The following NRG1 variants were observed in gnomAD, a reference collection of about 807,000 sequenced individuals.
NRG1 encodes the protein neuregulin 1, also known as pro-neuregulin-1, membrane-bound isoform.
In NRG1, 18 loss-of-function variants were observed where a neutral mutation model predicts 63.8. That is an observed-to-expected ratio of 0.28 (90% CI 0.19 to 0.42). NRG1 has a LOEUF of 0.42. NRG1 is among the 10% of genes least tolerant of loss of function. The pLI is 1.00. For synonymous variants in NRG1, 302 were observed against 301.3 expected, an observed-to-expected ratio of 1.00 and a Z score of -0.02; for missense variants, 762 against 814.7, an observed-to-expected ratio of 0.94 and a Z score of 0.79.
intron 1 of NRG1, among the ~76,000 whole-genome samples, chr8:31,675,127 G>A (rs1048243962): frequency 7.2e-5 from 11 of 152,216 alleles, no homozygotes; most frequent in African/African-American, 2.7e-4. Context: ...TGGATCACTT[G>A]AGGTCAGGAG....
At chr8:32,233,615 A>G (rs1187529717) in intron 1 of NRG1, among the ~76,000 whole-genome samples, 1 of 139,898 alleles carries the variant, frequency 7.1e-6, no homozygotes, top group Non-Finnish European at 1.5e-5. Context: ...ACCAGGCTGG[A>G]GTGCAGTGGT....
chr8:32,261,891 T>C (rs1850418536), intron 1 of NRG1, among the ~76,000 whole-genome samples: 2 of 152,196 alleles, frequency 1.3e-5, no homozygotes. Context: ...ATTAAGACTA[T>C]CTTGCATTGG....
chr8:32,569,329 A>G lies in NRG1; in HGVS notation c.100+20503A>G, dbSNP rs529707451. Among the ~76,000 whole-genome samples, 6 of 152,188 alleles carry G rather than the reference A, an allele frequency of 3.9e-5. No homozygotes were observed. The South Asian group carries it at 1.0e-3, about 26-fold the overall frequency. On this transcript the variant is annotated intron_variant, in intron 1 of 11. Coordinates refer to ENST00000356819, the Ensembl canonical transcript of NRG1. ...CTCCCAAAGTGCTGGGATTACAGGCATGAGCCACCGTGCCTGGCCAGGCCA... is the reference window on the plus strand; with the variant it reads ...CTCCCAAAGTGCTGGGATTACAGGCGTGAGCCACCGTGCCTGGCCAGGCCA...
chr8:32,426,300 T>C (rs1244970146), intron 1 of NRG1, among the ~76,000 whole-genome samples: 1 of 152,180 alleles, frequency 6.6e-6, no homozygotes, highest in Non-Finnish European at 1.5e-5. Flanking sequence ...CATCAATGTA[T>C]GAATAAAGTG....
At chr8:32,197,999 A>G (rs915798383) in intron 1 of NRG1, among the ~76,000 whole-genome samples, 1 of 151,986 alleles carries the variant, frequency 6.6e-6, no homozygotes, top group Non-Finnish European at 1.5e-5. Flanking sequence ...CACACACACC[A>G]TCCAGGATCC....
At chr8:31,783,408 A>G (rs1015985204) in intron 1 of NRG1, among the ~76,000 whole-genome samples, 3 of 152,118 alleles carry the variant, frequency 2.0e-5, no homozygotes, top group African/African-American at 7.2e-5. Context: ...AATGCTTGGA[A>G]CACACCTATC....
At chr8:31,682,589 C>G (rs1444662302) in intron 1 of NRG1, among the ~76,000 whole-genome samples, 1 of 152,042 alleles carries the variant, frequency 6.6e-6, no homozygotes, top group Non-Finnish European at 1.5e-5. Flanking sequence ...GCACATGAAG[C>G]TTCTCCATAC....
At chr8:32,314,685 G>T (rs10503908) in intron 1 of NRG1, among the ~76,000 whole-genome samples, 1 of 152,046 alleles carries the variant, frequency 6.6e-6, no homozygotes, top group South Asian at 2.1e-4. Context: ...TCTGAAAGAC[G>T]AGGAAGGGAG....
chr8:32,018,519 T>C (rs1260720355), intron 1 of NRG1, among the ~76,000 whole-genome samples: 1 of 152,248 alleles, frequency 6.6e-6, no homozygotes, highest in Non-Finnish European at 1.5e-5. Context: ...AAATAGATTG[T>C]TGCAGAAAAT....
At chr8:31,673,568 T>C (rs1206075622) in intron 1 of NRG1, among the ~76,000 whole-genome samples, 1 of 152,290 alleles carries the variant, frequency 6.6e-6, no homozygotes, top group Non-Finnish European at 1.5e-5. Context: ...TAGGTCTGGG[T>C]AGAGGCAGGG....
chr8:32,368,722 A>G (rs1310927531), intron 1 of NRG1, among the ~76,000 whole-genome samples: 1 of 152,214 alleles, frequency 6.6e-6, no homozygotes, highest in Non-Finnish European at 1.5e-5. Flanking sequence ...TTCTTTGCTC[A>G]ACAGACACTA....
At chr8:32,337,346 C>G (rs1259661213) in intron 1 of NRG1, among the ~76,000 whole-genome samples, 2 of 151,956 alleles carry the variant, frequency 1.3e-5, no homozygotes, top group African/African-American at 4.8e-5. Flanking sequence ...TATTGAATGA[C>G]CAGGTGGGGT....
intron 1 of NRG1, among the ~76,000 whole-genome samples, chr8:32,036,557 C>T (rs1819089623): frequency 1.3e-5 from 2 of 152,162 alleles, no homozygotes. Flanking sequence ...CTGTTTCTTT[C>T]AGGTACCCCA....
intron 1 of NRG1, among the ~76,000 whole-genome samples, chr8:32,482,368 A>C (rs150190248): frequency 6.8e-6 from 1 of 146,816 alleles, no homozygotes; most frequent in Non-Finnish European, 1.5e-5. Flanking sequence ...ACCAATCCAA[A>C]TTTGGGGGTT....
chr8:31,770,950 A>G (rs866082559), intron 1 of NRG1, among the ~76,000 whole-genome samples: 52 of 152,114 alleles, frequency 3.4e-4, no homozygotes, highest in African/African-American at 1.2e-3. Flanking sequence ...AAACCAGGAA[A>G]TCAACATTGG....
At chr8:32,303,940 G>A (rs1024416329) in intron 1 of NRG1, among the ~76,000 whole-genome samples, 5 of 152,144 alleles carry the variant, frequency 3.3e-5, no homozygotes, top group African/African-American at 9.7e-5. Flanking sequence ...AATAAAAGCT[G>A]TAAGTTTCAA....
At chr8:32,726,091 CT>C (rs1279096839) in intron 5 of NRG1, among the ~76,000 whole-genome samples, 1 of 152,008 alleles carries the variant, frequency 6.6e-6, no homozygotes, top group East Asian at 1.9e-4. Context: ...TTGAAAATAG[CT>C]TTTTGTTGGA....
intron 1 of NRG1, among the ~76,000 whole-genome samples, chr8:31,726,706 A>G (rs1813483108): frequency 6.6e-6 from 1 of 152,168 alleles, no homozygotes. Flanking sequence ...GAGCAGTTGC[A>G]GTAGAATCCC....
At chr8:32,564,814 A>T (rs1054630374) in intron 1 of NRG1, among the ~76,000 whole-genome samples, 6 of 152,260 alleles carry the variant, frequency 3.9e-5, no homozygotes, top group African/African-American at 1.2e-4. Flanking sequence ...TAATCCCAGC[A>T]CTTTGGGAGG....
Sources: gnomAD v4.1 joint callset for allele counts (sites outside exome capture counted in the v4.1 genomes callset) on GRCh38, gnomAD v4.1.1 for gene constraint, MANE v1.5 for transcripts, NCBI Gene and HGNC (gene_info 2026-07-23, HGNC 2026-07-21) for gene names.